Variants in KDM5A observed in about 807,000 individuals in gnomAD.
The protein encoded by KDM5A is lysine demethylase 5A, also known as lysine-specific demethylase 5A.
In KDM5A, 42 loss-of-function variants were observed where a neutral mutation model predicts 193.5. That is an observed-to-expected ratio of 0.22 (90% CI 0.17 to 0.28). The LOEUF (loss-of-function observed/expected upper bound fraction) is 0.28. KDM5A is among the 10% of genes least tolerant of loss of function. The pLI, the probability that KDM5A is intolerant of heterozygous loss-of-function variation, is 1.00. For missense variants in KDM5A, 1,692 were observed against 2,055.1 expected, an observed-to-expected ratio of 0.82 and a Z score of 3.42; for synonymous variants, 796 against 718.1, an observed-to-expected ratio of 1.11 and a Z score of -1.73.
intron 27 of KDM5A, among the ~76,000 whole-genome samples, chr12:291,998 G>GT (rs1407247061): frequency 6.6e-6 from 1 of 151,538 alleles, no homozygotes; most frequent in East Asian, 1.9e-4. Context: ...TGCCTCCTGG[G>GT]TTCAAGCGAT....
rs1943157933 is a variant in KDM5A, at chr12:281,907, C to T, written c.*3549G>A. The T allele has an allele frequency of 2.1e-5, 6 of 284,294 alleles. No individual in the cohort carries two copies. In the East Asian group the frequency reaches 3.5e-4, roughly 16 times the overall value. The allele number at this position is 284,294 out of a possible 1,614,324, so 17.6% of individuals were successfully genotyped here. ...CCAAAAATTAAGAAATTCAAAAAGACATTTTGTGGGCACCTGCTAGCACAG... is the reference window on the plus strand; with the variant it reads ...CCAAAAATTAAGAAATTCAAAAAGATATTTTGTGGGCACCTGCTAGCACAG... On this transcript the variant is annotated 3_prime_UTR_variant, in exon 28 of 28. Coordinates refer to ENST00000399788, the MANE Select transcript of KDM5A (RefSeq NM_001042603.3).
rs759272953 is a variant in KDM5A at position 322,607 on chromosome 12, A to G, written c.2276-40T>C. 4 of 1,569,132 alleles carry G rather than the reference A, an allele frequency of 2.5e-6. No homozygotes were observed. In the African/African-American group the frequency reaches 5.4e-5, roughly 21 times the overall value. The stretch of plus-strand genomic sequence containing the variant: ...ATAAAGAGCCATATACAATAACCAT[A>G]GACACAAAAAGCCATTCTAAAATCT... On this transcript the variant is annotated intron_variant, in intron 16 of 27. Coordinates refer to ENST00000399788, the MANE Select transcript of KDM5A (RefSeq NM_001042603.3).
intron 8 of KDM5A, among the ~76,000 whole-genome samples, chr12:353,839 T>C (rs1283952475): frequency 6.6e-6 from 1 of 151,490 alleles, no homozygotes; most frequent in Non-Finnish European, 1.5e-5. Flanking sequence ...GGAGAATCAC[T>C]TGAACCCGGG....
intron 24 of KDM5A, among the ~76,000 whole-genome samples, chr12:305,158 C>T (rs534707844): frequency 2.6e-5 from 4 of 152,070 alleles, no homozygotes; most frequent in Non-Finnish European, 5.9e-5. Context: ...AACTGTAATG[C>T]CTCTTTTCTT....
intron 26 of KDM5A, 49 bp downstream of exon 26, chr12:295,524 T>TAG (rs747304626): frequency 3.3e-6 from 5 of 1,537,564 alleles, no homozygotes. Context: ...CTAAGGAACC[T>TAG]AGGCATTCTA....
chr12:318,012 A>T, intron 19 of KDM5A, 94 bp downstream of exon 19: 1 of 945,722 alleles, frequency 1.1e-6, no homozygotes, highest in Non-Finnish European at 1.7e-6. Context: ...AAAAAAAAAA[A>T]GTCATTTAAT....
intron 10 of KDM5A, among the ~76,000 whole-genome samples, chr12:344,749 A>G (rs1944048871): frequency 2.0e-5 from 3 of 152,204 alleles, no homozygotes; most frequent in African/African-American, 7.2e-5. Flanking sequence ...CCTGCCTTAC[A>G]AGAGCTCCTG....
rs542630305 is a variant in KDM5A, at chr12:354,012, T to C, written c.1029+64A>G. The C allele has an allele frequency of 1.4e-3, 1,596 of 1,138,562 alleles. 10 individuals are homozygous for C. Among genetic ancestry groups the C allele is most frequent in the Non-Finnish European group, 8.3e-4 (619 of 748,348 alleles). The allele number at this position is 1,138,562 out of a possible 1,614,324, so 70.5% of individuals were successfully genotyped here. A position where few individuals can be genotyped will look rare whatever the true frequency, so the allele number is the denominator to read the frequency against. On this transcript the variant is annotated intron_variant, in intron 8 of 27. Coordinates refer to ENST00000399788, the MANE Select transcript of KDM5A (RefSeq NM_001042603.3). ...ACATATTTGGGAATATGTTTATATG[T>C]AGGTGTATATGCATGTATTATTATT...
Position 283,906 on chromosome 12 carries a change from A to G in KDM5A, c.*1550T>C, listed in dbSNP as rs758019456. The G allele has an allele frequency of 4.3e-6, 1 of 233,422 alleles. No homozygotes were observed. The highest frequency in any genetic ancestry group is 8.5e-6 in the Non-Finnish European group (1 of 117,938). The allele number at this position is 233,422 out of a possible 1,614,324, so 14.5% of individuals were successfully genotyped here. A position where few individuals can be genotyped will look rare whatever the true frequency, so the allele number is the denominator to read the frequency against. ...CCTTAAGAAGAACAGAGAACACAACAGGAGGGAAGAGGACACAGCACCATA... is the reference window on the plus strand; with the variant it reads ...CCTTAAGAAGAACAGAGAACACAACGGGAGGGAAGAGGACACAGCACCATA... On this transcript the variant is annotated 3_prime_UTR_variant, in exon 28 of 28. Coordinates refer to ENST00000399788, the MANE Select transcript of KDM5A (RefSeq NM_001042603.3).
At chr12:310,003 A>G in intron 21 of KDM5A, 39 bp from the exon 22 acceptor site, 1 of 1,594,252 alleles carries the variant, frequency 6.3e-7, no homozygotes, top group Non-Finnish European at 8.6e-7. Context: ...TCTGGTTTTG[A>G]AAATAATCTT....
chr12:308,950 T>C (rs891900134), intron 22 of KDM5A, among the ~76,000 whole-genome samples: 5 of 152,234 alleles, frequency 3.3e-5, no homozygotes, highest in African/African-American at 1.2e-4. Context: ...CATTAAGAGA[T>C]GGAAATCTGT....
At chr12:335,240 A>G (rs1459060730) in intron 10 of KDM5A, among the ~76,000 whole-genome samples, 1 of 152,244 alleles carries the variant, frequency 6.6e-6, no homozygotes, top group East Asian at 1.9e-4. Flanking sequence ...TTCTACTTGG[A>G]TATTGGCACC....
At chr12:316,441 G>A (rs1191304082) in intron 19 of KDM5A, among the ~76,000 whole-genome samples, 2 of 152,138 alleles carry the variant, frequency 1.3e-5, no homozygotes, top group Non-Finnish European at 2.9e-5. Flanking sequence ...TAAAATATAA[G>A]AGGACTACAA....
At chr12:352,775 T>C (rs1010505429) in intron 8 of KDM5A, among the ~76,000 whole-genome samples, 11 of 152,326 alleles carry the variant, frequency 7.2e-5, no homozygotes, top group African/African-American at 2.6e-4. Context: ...ACACTGCCAA[T>C]CACTATGACC....
intron 3 of KDM5A, among the ~76,000 whole-genome samples, chr12:382,942 G>C (rs188696214): frequency 6.6e-6 from 1 of 151,178 alleles, no homozygotes; most frequent in Admixed American, 6.6e-5. Context: ...AAAAAAAAGA[G>C]AAAAAAACAT....
At chr12:341,911 A>C (rs76267739) in intron 10 of KDM5A, among the ~76,000 whole-genome samples, 1 of 143,242 alleles carries the variant, frequency 7.0e-6, no homozygotes, top group Non-Finnish European at 1.5e-5. Flanking sequence ...AAAAAAAAAA[A>C]AGAGAGAGAG....
chr12:320,784 A>G (rs1943707531), intron 18 of KDM5A, among the ~76,000 whole-genome samples: 1 of 152,192 alleles, frequency 6.6e-6, no homozygotes, highest in Non-Finnish European at 1.5e-5. Flanking sequence ...ATAATTTCAT[A>G]CCAGCCTTAG....
intron 24 of KDM5A, among the ~76,000 whole-genome samples, chr12:301,029 G>A (rs756178875): frequency 6.6e-6 from 1 of 152,134 alleles, no homozygotes; most frequent in African/African-American, 2.4e-5. Context: ...AACTGAGGCA[G>A]TAATTAATAG....
At chr12:370,572 A>T (rs1565549465) in intron 3 of KDM5A, among the ~76,000 whole-genome samples, 1 of 151,996 alleles carries the variant, frequency 6.6e-6, no homozygotes, top group Non-Finnish European at 1.5e-5. Context: ...TTGACCAAAA[A>T]GTAGTATCGC....
Sources: gnomAD v4.1 joint callset for allele counts (sites outside exome capture counted in the v4.1 genomes callset) on GRCh38, gnomAD v4.1.1 for gene constraint, MANE v1.5 for transcripts, NCBI Gene and HGNC (gene_info 2026-07-23, HGNC 2026-07-21) for gene names.